The following WDFY3 variants were observed in gnomAD, a reference collection of about 807,000 sequenced individuals.
WDFY3 encodes the protein WD repeat and FYVE domain-containing protein 3.
A neutral mutation model predicts 409.6 loss-of-function variants in WDFY3; 66 were observed. That is an observed-to-expected ratio of 0.16 (90% CI 0.13 to 0.20). WDFY3 has a LOEUF of 0.20. Ranked by LOEUF, WDFY3 falls within the 10% of genes least tolerant of loss-of-function variation. The pLI is 1.00. For synonymous variants in WDFY3, 1,521 were observed against 1,537.1 expected, an observed-to-expected ratio of 0.99 and a Z score of 0.25; for missense variants, 3,031 against 4,298.1, an observed-to-expected ratio of 0.71 and a Z score of 8.24.
At chr4:84,762,384 A>G (rs1381944820) in intron 32 of WDFY3, among the ~76,000 whole-genome samples, 12 of 148,924 alleles carry the variant, frequency 8.1e-5, no homozygotes, top group East Asian at 2.0e-4. Flanking sequence ...AACACTGCAT[A>G]TTCTCACTCA....
intron 3 of WDFY3, among the ~76,000 whole-genome samples, chr4:84,864,472 A>G (rs1761103536): frequency 6.6e-6 from 1 of 152,150 alleles, no homozygotes; most frequent in African/African-American, 2.4e-5. Context: ...TTGTAACAAC[A>G]TTAACTCTAC....
chr4:84,908,989 T>C (rs1225165228), intron 2 of WDFY3, among the ~76,000 whole-genome samples: 1 of 151,974 alleles, frequency 6.6e-6, no homozygotes. Flanking sequence ...GGATTCATAT[T>C]AAACTAAATA....
chr4:84,944,310 A>G (rs974478959), intron 1 of WDFY3, among the ~76,000 whole-genome samples: 2 of 151,466 alleles, frequency 1.3e-5, no homozygotes, highest in African/African-American at 4.9e-5. Flanking sequence ...GGATCACTTG[A>G]GCTCAGGAGT....
chr4:84,886,876 T>C (rs771586202), intron 3 of WDFY3, among the ~76,000 whole-genome samples: 27 of 152,180 alleles, frequency 1.8e-4, no homozygotes, highest in Admixed American at 5.2e-4. Flanking sequence ...AATAGAGCAA[T>C]TTCCTATTAG....
chr4:84,715,244 C>G, intron 50 of WDFY3, 54 bp downstream of exon 50: 1 of 964,748 alleles, frequency 1.0e-6, no homozygotes, highest in South Asian at 1.7e-5. Context: ...AGAAAAGATT[C>G]CCCCTCCCAT....
At chr4:84,833,147 C>A (rs1300985733) in intron 7 of WDFY3, among the ~76,000 whole-genome samples, 1 of 152,018 alleles carries the variant, frequency 6.6e-6, no homozygotes, top group African/African-American at 2.4e-5. Context: ...TACACAAGAG[C>A]ACACACCATT....
rs1054299507 is a variant in WDFY3, at chr4:84,672,787, GT to G, written c.*80del. The stretch of plus-strand genomic sequence containing the variant: ...ATGAAGAGATGTGTAAACGGAGACT[GT>G]TTTCAATGCCTTCCAAGCTGGGACA... On this transcript the variant is annotated 3_prime_UTR_variant, in exon 68 of 68. Transcript: ENST00000295888. 6 of 1,570,788 alleles carry G rather than the reference GT, an allele frequency of 3.8e-6. No individual in the cohort carries two copies. Among genetic ancestry groups the G allele is most frequent in the Non-Finnish European group, 5.2e-6 (6 of 1,159,572 alleles).
intron 50 of WDFY3, among the ~76,000 whole-genome samples, 194 bp downstream of exon 50, chr4:84,715,104 T>TCA (rs1437820739): frequency 1.3e-5 from 2 of 152,178 alleles, no homozygotes; most frequent in Non-Finnish European, 1.5e-5. Context: ...AAATGGTATG[T>TCA]CACAATAGAA....
chr4:84,826,698 G>A, intron 10 of WDFY3, 117 bp downstream of exon 10: 1 of 1,033,806 alleles, frequency 9.7e-7, no homozygotes, highest in Non-Finnish European at 1.3e-6. Flanking sequence ...AAGCTTTAAG[G>A]GAAACTATAT....
At chr4:84,720,827 G>GA (rs1181067827) in intron 47 of WDFY3, among the ~76,000 whole-genome samples, 205 of 132,432 alleles carry the variant, frequency 1.5e-3, no homozygotes, top group African/African-American at 5.5e-3. Context: ...GTGCAGAGTG[G>GA]AAAAAAAAAC....
intron 1 of WDFY3, among the ~76,000 whole-genome samples, chr4:84,954,042 AC>A (rs1773942505): frequency 6.6e-6 from 1 of 152,166 alleles, no homozygotes; most frequent in South Asian, 2.1e-4. Flanking sequence ...GGGCAGAACT[AC>A]CCATGTGTAA....
In WDFY3 at chr4:84,746,676, T is replaced by A. The variant is rs115646087; in HGVS notation, c.5974-2877A>T. Among the ~76,000 whole-genome samples, 652 of 152,208 alleles carry A rather than the reference T, an allele frequency of 4.3e-3. 2 individuals are homozygous for A. The highest frequency in any genetic ancestry group is 0.014 in the African/African-American group (567 of 41,532). ...TATAGCAGTCTAACTTTTCAAGGAC[T>A]TAACATTTTATGAAAGCATGCATTA... On this transcript the variant is annotated intron_variant, in intron 36 of 67. Coordinates refer to ENST00000295888, the MANE Select transcript of WDFY3 (RefSeq NM_014991.6).
At chr4:84,753,549 T>C (rs1740903283) in intron 35 of WDFY3, 148 bp downstream of exon 35, 2 of 877,232 alleles carry the variant, frequency 2.3e-6, no homozygotes, top group Non-Finnish European at 1.6e-6. Context: ...CGGACAATAA[T>C]GCAAGAGGTG....
chr4:84,816,373 C>T (rs1753298725), intron 13 of WDFY3, among the ~76,000 whole-genome samples: 1 of 152,100 alleles, frequency 6.6e-6, no homozygotes, highest in African/African-American at 2.4e-5. Context: ...GGGTTCAGAT[C>T]TAGACTCCTC....
intron 56 of WDFY3, among the ~76,000 whole-genome samples, chr4:84,698,739 G>A (rs1205826734): frequency 6.6e-6 from 1 of 151,904 alleles, no homozygotes; most frequent in East Asian, 1.9e-4. Flanking sequence ...TGTTGCCCAG[G>A]CTGGAGTGCA....
intron 61 of WDFY3, among the ~76,000 whole-genome samples, chr4:84,690,271 T>C (rs1729035286): frequency 6.6e-6 from 1 of 152,198 alleles, no homozygotes; most frequent in Non-Finnish European, 1.5e-5. Context: ...ATATGTTACC[T>C]AAAGATAACT....
intron 59 of WDFY3, 126 bp from the exon 60 acceptor site, chr4:84,691,911 G>T: frequency 2.1e-6 from 2 of 951,304 alleles, no homozygotes; most frequent in Non-Finnish European, 3.0e-6. Context: ...GAGAAAAAAT[G>T]ATCTCTGAAA....
intron 3 of WDFY3, among the ~76,000 whole-genome samples, chr4:84,862,829 T>C (rs1389105947): frequency 2.0e-5 from 3 of 151,934 alleles, no homozygotes; most frequent in Non-Finnish European, 4.4e-5. Flanking sequence ...CTACTAAAAG[T>C]ACAAAAAAAA....
chr4:84,802,132 G>C (rs549511765), intron 16 of WDFY3, among the ~76,000 whole-genome samples: 1 of 151,884 alleles, frequency 6.6e-6, no homozygotes, highest in African/African-American at 2.4e-5. Flanking sequence ...ATTTTTAGTA[G>C]AGACAGGGTT....
Sources: gnomAD v4.1 joint callset for allele counts (sites outside exome capture counted in the v4.1 genomes callset) on GRCh38, gnomAD v4.1.1 for gene constraint, MANE v1.5 for transcripts, NCBI Gene and HGNC (gene_info 2026-07-23, HGNC 2026-07-21) for gene names.